EPPK1: variants seen among roughly 807,000 people sequenced by gnomAD.
EPPK1 encodes the protein epiplakin 1.
For missense variants in EPPK1, 3,823 were observed against 3,673.3 expected (o/e 1.04, Z -1.05); for synonymous variants, 1,862 against 1,721.2 (o/e 1.08, Z -2.03).
Position 143,866,696 on chromosome 8 carries a change from G to C in EPPK1, c.6558C>G (p.Leu2186=). 1 of 1,613,368 alleles carries C rather than the reference G, an allele frequency of 6.2e-7. No homozygotes were observed. The highest frequency in any genetic ancestry group is 1.1e-5 in the South Asian group (1 of 91,086). Residue 2186 remains leucine, a synonymous_variant, in exon 2 of 2, where the codon CTC becomes CTG. Transcript: ENST00000615648. ...GIRRQITASE[L]LSSAIITEEM... is the part of the protein sequence containing the mutation. Reference sequence around the variant, plus strand: ...CCTCCGTGATTATGGCTGAGCTGAGGAGTTCAGAAGCTGTGATCTGTCGTC... The same window carrying C: ...CCTCCGTGATTATGGCTGAGCTGAGCAGTTCAGAAGCTGTGATCTGTCGTC...
chr8:143,867,441 C>G lies in EPPK1; in HGVS notation c.5813G>C (p.Gly1938Ala). 1 of 1,612,708 alleles carries G rather than the reference C, an allele frequency of 6.2e-7. No homozygotes were observed. Among genetic ancestry groups the G allele is most frequent in the Non-Finnish European group, 8.5e-7 (1 of 1,179,862 alleles). ...TWLLEAQAAT[G>A]FLLDPCTRQK... ...GCGGGTGCAGGGGTCCAGGAGGAAC[C>G]CGGTGGCGGCCTGCGCCTCCAGCAG... Residue 1938 changes from glycine to alanine, a missense_variant, in exon 2 of 2, where the codon GGG becomes GCG. Gly to Ala is a moderately conservative substitution (Grantham distance 60). Coordinates refer to ENST00000615648, the MANE Select transcript of EPPK1 (RefSeq NM_031308.4).
chr8:143,870,034 C>T lies in EPPK1; in HGVS notation c.3220G>A (p.Glu1074Lys). ...TCGGAGGAGCTGGACAAGGCTGTCT[C>T]CATCTCCTGGTCAACATAGCCACGC... is the stretch of plus-strand genomic sequence containing the variant. The part of the protein sequence containing the change: ...IQRGYVDQEM[E>K]TALSSSSETF... Residue 1074 changes from glutamate to lysine, a missense_variant, in exon 2 of 2, where the codon GAG (glutamate) becomes AAG (lysine). Coordinates refer to ENST00000615648, the MANE Select transcript of EPPK1 (RefSeq NM_031308.4). The surrounding 1 kb of genome is among the most constrained non-coding windows in gnomAD (Gnocchi z 5.2). 1.9e-6 allele frequency: 3 copies of T among 1,611,056 alleles called. No homozygotes were observed. The highest frequency in any genetic ancestry group is 2.5e-6 in the Non-Finnish European group (3 of 1,179,116).
chr8:143,866,378 C>A lies in EPPK1; in HGVS notation c.6876G>T (p.Val2292=). 1 of 907,776 alleles carries A rather than the reference C, an allele frequency of 1.1e-6. No homozygotes were observed. The highest frequency in any genetic ancestry group is 1.8e-5 in the South Asian group (1 of 56,180). The allele number at this position is 907,776 out of a possible 1,614,324, so 56.2% of individuals were successfully genotyped here. A position where few individuals can be genotyped will look rare whatever the true frequency, so the allele number is the denominator to read the frequency against. ...GCAGCTTCTCCTGGATCTCGCCGCC[C>A]ACCACGCCCGCGGCCACGGCCTCCT... is the stretch of plus-strand genomic sequence containing the variant. ...SVEEAVAAGV[V]GGEIQEKLLS... is the part of the protein sequence containing the mutation. The change falls in exon 2 of 2, where the codon GTG becomes GTT. Residue 2292 remains valine (V), a synonymous_variant. Transcript: ENST00000615648.
chr8:143,878,487 C>T (rs1586707518), upstream of EPPK1: 1 of 146,952 alleles, frequency 6.8e-6, no homozygotes, highest in African/African-American at 2.5e-5. Flanking sequence ...CCGCTCCGCC[C>T]GCATTTCAAG....
At position 143,867,260 on chromosome 8, in the gene EPPK1, G is replaced by A. The variant is rs373165682; in HGVS notation, c.5994C>T (p.Ile1998=). The change falls in exon 2 of 2, where the codon ATC becomes ATT. Residue 1998 remains isoleucine (I), a synonymous_variant. Transcript: ENST00000615648. The part of the protein sequence containing the change: ...PLFQAMQKQL[I]EKAEALRLLE... Reference sequence around the variant, plus strand: ...GCAGCCTCAGTGCCTCCGCCTTCTCGATGAGCTGCTTCTGCATGGCCTGGA... The same window carrying A: ...GCAGCCTCAGTGCCTCCGCCTTCTCAATGAGCTGCTTCTGCATGGCCTGGA... 2.9e-5 allele frequency: 47 copies of A among 1,612,386 alleles called. No homozygotes were observed. The highest frequency in any genetic ancestry group is 1.7e-4 in the Admixed American group (10 of 59,980).
rs782085869 is a variant in EPPK1 at position 143,869,984 on chromosome 8, CT to C, written c.3269del (p.Gln1090ArgfsTer87). Reference sequence around the variant, plus strand: ...GGAGCTGGGCATAGCTCGTGCGCCCCTGGCCGTCCGGTGTGGGGAAGGTTTC... The same window carrying C: ...GGAGCTGGGCATAGCTCGTGCGCCCCGGCCGTCCGGTGTGGGGAAGGTTTC... ...SSETFPTPDGQGRTSYAQLLE... is the reference protein window; with the variant it reads ...SSETFPTPDGXGRTSYAQLLE... On this transcript the variant is annotated frameshift_variant, in exon 2 of 2. Transcript: ENST00000615648. LOFTEE classifies it low-confidence loss of function (END_TRUNC). The C allele has an allele frequency of 6.2e-7, 1 of 1,607,788 alleles. No individual in the cohort carries two copies. Among genetic ancestry groups the C allele is most frequent in the Non-Finnish European group, 8.5e-7 (1 of 1,177,210 alleles).
rs782441674 is a variant in EPPK1 at position 143,870,327 on chromosome 8, G to A, written c.2927C>T (p.Pro976Leu). 21 of 1,568,004 alleles carry A rather than the reference G, an allele frequency of 1.3e-5. 1 individual carries two copies. In the South Asian group the frequency reaches 2.3e-4, roughly 17 times the overall value. The change falls in exon 2 of 2, where the codon CCT (proline) becomes CTT (leucine). Residue 976 changes from proline to leucine, a missense_variant. Transcript: ENST00000615648. The surrounding 1 kb of genome is among the most constrained non-coding windows in gnomAD (Gnocchi z 5.2). ...CACCGAGAGGCTCTCTGGGCTGTGA[G>A]GGTCCATGATGGTTCCGGTGGCCGC... ...AQAATGTIMD[P>L]HSPESLSVDE...
In EPPK1 at chr8:143,857,896, C is replaced by CAA. The variant is rs35186960; in HGVS notation, c.*89_*90dup. 0.012 allele frequency: 4,908 copies of CAA among 424,536 alleles called. 3 individuals carry two copies. Among genetic ancestry groups the CAA allele is most frequent in the South Asian group, 0.028 (625 of 22,204 alleles). 26.3% of individuals were successfully genotyped at this position (424,536 alleles called of 1,614,324 possible). ...GTAAAACAACAAAATTAAAGAATGA[C>CAA]AAAAAAAAAAAAAAAAAAAAAAACA... On this transcript the variant is annotated 3_prime_UTR_variant, in exon 2 of 2. Coordinates refer to ENST00000615648, the MANE Select transcript of EPPK1 (RefSeq NM_031308.4).
chr8:143,873,302 C>T lies in EPPK1; in HGVS notation c.-45-4G>A. On this transcript the variant is annotated splice_region_variant and splice_polypyrimidine_tract_variant and intron_variant, in intron 1 of 1. Transcript: ENST00000615648. ...CCTGCTGAGGTCCACCTCTGTCCTG[C>T]AGGGGACAGAAAGGCTCAATCAGGG... is the stretch of plus-strand genomic sequence containing the variant. 1 of 1,461,560 alleles carries T rather than the reference C, an allele frequency of 6.8e-7. No individual in the cohort carries two copies. Among genetic ancestry groups the T allele is most frequent in the Middle Eastern group, 1.8e-4 (1 of 5,518 alleles). The allele number at this position is 1,461,560 out of a possible 1,614,324, so 90.5% of individuals were successfully genotyped here. A position where few individuals can be genotyped will look rare whatever the true frequency, so the allele number is the denominator to read the frequency against.
Position 143,873,307 on chromosome 8 carries a change from G to A in EPPK1, c.-45-9C>T. The A allele has an allele frequency of 2.8e-6, 4 of 1,450,446 alleles. No homozygotes were observed. The highest frequency in any genetic ancestry group is 2.8e-5 in the African/African-American group (2 of 70,218). The allele number at this position is 1,450,446 out of a possible 1,614,324, so 89.8% of individuals were successfully genotyped here. A position where few individuals can be genotyped will look rare whatever the true frequency, so the allele number is the denominator to read the frequency against. Reference sequence around the variant, plus strand: ...TGAGGTCCACCTCTGTCCTGCAGGGGACAGAAAGGCTCAATCAGGGACCCC... The same window carrying A: ...TGAGGTCCACCTCTGTCCTGCAGGGAACAGAAAGGCTCAATCAGGGACCCC... On this transcript the variant is annotated splice_polypyrimidine_tract_variant and intron_variant, in intron 1 of 1. Coordinates refer to ENST00000615648, the MANE Select transcript of EPPK1 (RefSeq NM_031308.4).
chr8:143,872,596 G>T lies in EPPK1; in HGVS notation c.658C>A (p.Arg220Ser). 4 of 1,610,062 alleles carry T rather than the reference G, an allele frequency of 2.5e-6. No homozygotes were observed. Among genetic ancestry groups the T allele is most frequent in the Non-Finnish European group, 3.4e-6 (4 of 1,179,478 alleles). Residue 220 changes from arginine to serine, a missense_variant, in exon 2 of 2, where the codon CGT (arginine) becomes AGT (serine). By Grantham distance (110) the Arg-to-Ser change is moderately radical. Coordinates refer to ENST00000615648, the MANE Select transcript of EPPK1 (RefSeq NM_031308.4). ...AAGGCTAGCCCCGAGCCGGGGGCAC[G>T]CACACACCTTTCCAGCAGCTGGTGG... Reference protein sequence around the residue: ...TYHQLLERCVRAPGSGLALLP... With the variant: ...TYHQLLERCVSAPGSGLALLP...
In EPPK1 at chr8:143,872,008, C is replaced by T. The variant is rs782495818; in HGVS notation, c.1246G>A (p.Glu416Lys). Reference sequence around the variant, plus strand: ...AGGCAGCCGCAGCGCAGGGCGGCCTCCAGGGGCAGCCGGAGCCTGCGTGCT... The same window carrying T: ...AGGCAGCCGCAGCGCAGGGCGGCCTTCAGGGGCAGCCGGAGCCTGCGTGCT... ...CPARRLRLPL[E>K]AALRCGCLDE... is the part of the protein sequence containing the mutation. The change falls in exon 2 of 2, where the codon GAG (glutamate) becomes AAG (lysine). Residue 416 changes from glutamate to lysine, a missense_variant. Physicochemically the swap from Glu to Lys is moderately conservative, Grantham distance 56 (BLOSUM62 1). Coordinates refer to ENST00000615648, the MANE Select transcript of EPPK1 (RefSeq NM_031308.4). 2 of 1,571,954 alleles carry T rather than the reference C, an allele frequency of 1.3e-6. No homozygotes were observed. The highest frequency in any genetic ancestry group is 2.3e-5 in the South Asian group (2 of 87,348).
rs1248281252 is a variant in EPPK1 at position 143,866,729 on chromosome 8, T to C, written c.6525A>G (p.Gln2175=). ...QETSNKHLWF[Q]GIRRQITASE... ...AAGCTGTGATCTGTCGTCTAATTCCTTGGAACCACAGGTGTTTGTTGCTGG... is the reference window on the plus strand; with the variant it reads ...AAGCTGTGATCTGTCGTCTAATTCCCTGGAACCACAGGTGTTTGTTGCTGG... The change falls in exon 2 of 2, where the codon CAA becomes CAG. Residue 2175 remains glutamine, a synonymous_variant. Coordinates refer to ENST00000615648, the MANE Select transcript of EPPK1 (RefSeq NM_031308.4). 1.9e-6 allele frequency: 3 copies of C among 1,613,362 alleles called. No individual in the cohort carries two copies. The highest frequency in any genetic ancestry group is 2.5e-6 in the Non-Finnish European group (3 of 1,179,882).
At position 143,872,295 on chromosome 8, in the gene EPPK1, T is replaced by C; in HGVS notation, c.959A>G (p.Glu320Gly). ...CAGGGTGTGGGTGGCAGCCTGGGCC[T>C]CTAGGAGTGGCAGCGCGGTGCCCAT... Reference protein sequence around the residue: ...LPMGTALPLLEAQAATHTLVD... With the variant: ...LPMGTALPLLGAQAATHTLVD... Residue 320 changes from glutamate to glycine, a missense_variant, in exon 2 of 2, where the codon GAG becomes GGG. Glu to Gly is a moderately conservative substitution (Grantham distance 98). Coordinates refer to ENST00000615648, the MANE Select transcript of EPPK1 (RefSeq NM_031308.4). The C allele has an allele frequency of 6.2e-7, 1 of 1,603,526 alleles. No individual in the cohort carries two copies. Among genetic ancestry groups the C allele is most frequent in the Non-Finnish European group, 8.5e-7 (1 of 1,174,988 alleles).
rs1380099592 is a variant in EPPK1 at position 143,857,897 on chromosome 8, A to C, written c.*90T>G. 1.3e-4 allele frequency: 27 copies of C among 200,014 alleles called. No individual in the cohort carries two copies. The highest frequency in any genetic ancestry group is 1.0e-3 in the East Asian group (9 of 8,672). The allele number at this position is 200,014 out of a possible 1,614,324, so 12.4% of individuals were successfully genotyped here. On this transcript the variant is annotated 3_prime_UTR_variant, in exon 2 of 2. Transcript: ENST00000615648. ...TAAAACAACAAAATTAAAGAATGAC[A>C]AAAAAAAAAAAAAAAAAAAAAACAA...
chr8:143,871,193 A>C lies in EPPK1; in HGVS notation c.2061T>G (p.Ala687=). The change falls in exon 2 of 2, where the codon GCT becomes GCG. Residue 687 remains alanine (A), a synonymous_variant. Transcript: ENST00000615648. ...TGTAGGGGTCAGTGTAGCCAGTGAC[A>C]GCGCGCTCAGCCGACAGCAGCTTCG... The part of the protein sequence containing the change: ...VFAKLLSAER[A]VTGYTDPYTG... 1 of 1,613,222 alleles carries C rather than the reference A, an allele frequency of 6.2e-7. No individual in the cohort carries two copies. The highest frequency in any genetic ancestry group is 8.5e-7 in the Non-Finnish European group (1 of 1,180,002).
chr8:143,871,746 A>G lies in EPPK1; in HGVS notation c.1508T>C (p.Phe503Ser), dbSNP rs1554661294. The change falls in exon 2 of 2, where the codon TTC becomes TCC. Residue 503 changes from phenylalanine (F) to serine (S), a missense_variant. Coordinates refer to ENST00000615648, the MANE Select transcript of EPPK1 (RefSeq NM_031308.4). Reference protein sequence around the residue: ...TATATVSVGKFRGRPVSLWEL... With the variant: ...TATATVSVGKSRGRPVSLWEL... ...CCAGAGGGACACGGGCCGGCCCCGGAACTTCCCCACAGAGACGGTGGCTGT... is the reference window on the plus strand; with the variant it reads ...CCAGAGGGACACGGGCCGGCCCCGGGACTTCCCCACAGAGACGGTGGCTGT... 1 of 1,610,378 alleles carries G rather than the reference A, an allele frequency of 6.2e-7. No homozygotes were observed. The highest frequency in any genetic ancestry group is 1.1e-5 in the South Asian group (1 of 90,948).
At chr8:143,878,985 G>T (rs963447663), upstream of EPPK1, among the ~76,000 whole-genome samples, 4 of 152,136 alleles carry the variant, frequency 2.6e-5, 1 homozygote, top group Middle Eastern at 6.3e-3. Flanking sequence ...AGCAGTGCCA[G>T]GCCTCACCCC....
rs1230840759 is a variant in EPPK1 at position 143,873,550 on chromosome 8, G to A, written c.-45-252C>T. Among the ~76,000 whole-genome samples, 3 of 152,012 alleles carry A rather than the reference G, an allele frequency of 2.0e-5. No individual in the cohort carries two copies. In the East Asian group the frequency reaches 5.8e-4, roughly 29 times the overall value. ...GCCGGGAGGCCTCTCGGGACTCCAGGGCTGTCCCTCCCGCAGGCTGTCCTT... is the reference window on the plus strand; with the variant it reads ...GCCGGGAGGCCTCTCGGGACTCCAGAGCTGTCCCTCCCGCAGGCTGTCCTT... On this transcript the variant is annotated intron_variant, in intron 1 of 1. Transcript: ENST00000615648.
Sources: gnomAD v4.1 joint callset for allele counts (sites outside exome capture counted in the v4.1 genomes callset) on GRCh38, gnomAD v4.1.1 for gene constraint, Gnocchi (gnomAD v3.1) non-coding constraint, MANE v1.5 for transcripts, NCBI Gene and HGNC (gene_info 2026-07-23, HGNC 2026-07-21) for gene names.